Variants in MYPN observed in about 807,000 individuals in gnomAD.
The protein encoded by MYPN is sarcomeric protein myopalladin, 145 kDa (MYOP).
A neutral mutation model predicts 129.4 loss-of-function variants in MYPN; 63 were observed. The ratio of observed to expected loss-of-function variants is 0.49; its 90% CI spans 0.40 to 0.60. The LOEUF (loss-of-function observed/expected upper bound fraction) is 0.60. MYPN is among the 20% of genes least tolerant of loss of function. MYPN has a pLI of 0.00. For synonymous variants in MYPN, 629 were observed against 600.9 expected (o/e 1.05, Z -0.68); for missense variants, 1,596 against 1,635.4 (o/e 0.98, Z 0.42).
At chr10:68,139,359 A>G (rs1445312776) in intron 2 of MYPN, among the ~76,000 whole-genome samples, 1 of 152,116 alleles carries the variant, frequency 6.6e-6, no homozygotes, top group Admixed American at 6.5e-5. Context: ...TGGTTTCCAC[A>G]TTTCTCAAAT....
At chr10:68,106,674 A>C, upstream of MYPN, 1 of 714,424 alleles carries the variant, frequency 1.4e-6, no homozygotes, top group African/African-American at 1.7e-5. Flanking sequence ...GATATAAAAA[A>C]ATAGCAAATG....
At chr10:68,100,585 G>A (rs567303228) in intron 1 of MYPN, among the ~76,000 whole-genome samples, 1 of 152,214 alleles carries the variant, frequency 6.6e-6, no homozygotes, top group Admixed American at 6.5e-5. Flanking sequence ...AGAAAGCAAG[G>A]ACCTTATGTA....
At chr10:68,119,337 A>G (rs2042205541) in intron 1 of MYPN, among the ~76,000 whole-genome samples, 1 of 152,082 alleles carries the variant, frequency 6.6e-6, no homozygotes, top group Admixed American at 6.6e-5. Context: ...ATCATGTGAT[A>G]AACACCTTTG....
chr10:68,138,217 C>T (rs1478027480), intron 2 of MYPN, among the ~76,000 whole-genome samples: 3 of 151,564 alleles, frequency 2.0e-5, no homozygotes, highest in Non-Finnish European at 2.9e-5. Context: ...ATTCTCCTTC[C>T]TCAGTCTCCT....
chr10:68,103,544 A>G (rs533137705), upstream of MYPN, among the ~76,000 whole-genome samples: 4 of 152,238 alleles, frequency 2.6e-5, no homozygotes, highest in East Asian at 1.9e-4. Flanking sequence ...TATGAAAATC[A>G]TGATGAATTT....
At chr10:68,097,301 C>T (rs375797807) in intron 1 of MYPN, among the ~76,000 whole-genome samples, 1 of 152,076 alleles carries the variant, frequency 6.6e-6, no homozygotes. Context: ...TTGTCAGCCT[C>T]GGGATAGACG....
At chr10:68,194,225 T>C in intron 13 of MYPN, 138 bp from the exon 14 acceptor site, 2 of 801,462 alleles carry the variant, frequency 2.5e-6, no homozygotes, top group Non-Finnish European at 4.0e-6. Flanking sequence ...TAATATGTTT[T>C]ATAACTTTTT....
At chr10:68,108,418 GCA>G (rs1219544709), upstream of MYPN, among the ~76,000 whole-genome samples, 1 of 152,154 alleles carries the variant, frequency 6.6e-6, no homozygotes, top group Non-Finnish European at 1.5e-5. Flanking sequence ...TGTATTTTGT[GCA>G]CTGTTTTATA....
At chr10:68,197,654 G>A (rs1235060554) in intron 16 of MYPN, among the ~76,000 whole-genome samples, 176 bp downstream of exon 16, 1 of 151,512 alleles carries the variant, frequency 6.6e-6, no homozygotes, top group South Asian at 2.1e-4. Context: ...AATGTCAGAT[G>A]AAATTATTTT....
chr10:68,203,724 G>C (rs201092013), intron 18 of MYPN, among the ~76,000 whole-genome samples: 123 of 113,572 alleles, frequency 1.1e-3, no homozygotes, highest in Admixed American at 4.4e-3. Flanking sequence ...CACACACAGA[G>C]AGAGAGAGAG....
At chr10:68,134,909 A>G (rs2042463264) in intron 2 of MYPN, among the ~76,000 whole-genome samples, 1 of 151,984 alleles carries the variant, frequency 6.6e-6, no homozygotes, top group South Asian at 2.1e-4. Flanking sequence ...AGTTACCAAG[A>G]AGTTTCTGCC....
intron 10 of MYPN, among the ~76,000 whole-genome samples, chr10:68,172,165 G>A (rs2043154109): frequency 1.3e-5 from 2 of 152,000 alleles, no homozygotes; most frequent in South Asian, 4.2e-4. Context: ...ACCAGCCTGG[G>A]CAACATGACG....
At chr10:68,165,983 ACTT>A (rs982630513) in intron 9 of MYPN, among the ~76,000 whole-genome samples, 165 bp downstream of exon 9, 1 of 152,110 alleles carries the variant, frequency 6.6e-6, no homozygotes, top group African/African-American at 2.4e-5. Flanking sequence ...CCAATTTTCA[ACTT>A]CTTATTGCGC....
intron 5 of MYPN, 56 bp downstream of exon 5, chr10:68,148,523 G>T (rs2042709506): frequency 1.5e-6 from 2 of 1,353,954 alleles, no homozygotes; most frequent in South Asian, 1.2e-5. Context: ...CAGTCATGGT[G>T]ACCATGACCA....
intron 15 of MYPN, 58 bp from the exon 16 acceptor site, chr10:68,197,294 A>G: frequency 6.3e-7 from 1 of 1,597,210 alleles, no homozygotes; most frequent in South Asian, 1.1e-5. Flanking sequence ...AATGCCTATT[A>G]TCATAAGTTT....
chr10:68,200,111 G>A (rs2043684807), intron 17 of MYPN, among the ~76,000 whole-genome samples: 3 of 152,154 alleles, frequency 2.0e-5, no homozygotes, highest in Admixed American at 2.0e-4. Flanking sequence ...CTCAGAAAAG[G>A]AGAGATTCAT....
intron 8 of MYPN, among the ~76,000 whole-genome samples, chr10:68,162,869 G>T (rs544236783): frequency 6.6e-6 from 1 of 152,174 alleles, no homozygotes; most frequent in African/African-American, 2.4e-5. Context: ...TCACTGGTTG[G>T]TTAAAAAGTG....
At chr10:68,181,188 C>G (rs910098493) in intron 12 of MYPN, among the ~76,000 whole-genome samples, 1 of 152,156 alleles carries the variant, frequency 6.6e-6, no homozygotes, top group African/African-American at 2.4e-5. Flanking sequence ...AAATGGAGAA[C>G]ACGGCATAAA....
chr10:68,138,977 C>A (rs2042530610), intron 2 of MYPN, among the ~76,000 whole-genome samples: 1 of 152,050 alleles, frequency 6.6e-6, no homozygotes, highest in African/African-American at 2.4e-5. Flanking sequence ...CTTAATCCTC[C>A]AACAGATTTG....
Sources: gnomAD v4.1 joint callset for allele counts (sites outside exome capture counted in the v4.1 genomes callset) on GRCh38, gnomAD v4.1.1 for gene constraint, MANE v1.5 for transcripts, NCBI Gene and HGNC (gene_info 2026-07-23, HGNC 2026-07-21) for gene names.